Variants in ZNF362 observed in about 807,000 individuals in gnomAD.
The protein encoded by ZNF362 is rotund homolog.
ZNF362 carries 11 observed loss-of-function variants against 42.9 expected under a neutral mutation model. The ratio of observed to expected loss-of-function variants is 0.26; its 90% CI spans 0.16 to 0.42. The LOEUF (loss-of-function observed/expected upper bound fraction) is 0.42, where lower values mean the gene tolerates loss of function less well. Ranked by LOEUF, ZNF362 falls within the 20% of genes least tolerant of loss-of-function variation. The probability of loss-of-function intolerance (pLI) is 1.00; values close to 1 mark genes in which losing one functional copy is unlikely to be tolerated. For missense variants in ZNF362, 362 were observed against 576.2 expected, an observed-to-expected ratio of 0.63 and a Z score of 3.81; for synonymous variants, 255 against 257.3, an observed-to-expected ratio of 0.99 and a Z score of 0.09.
At chr1:33,201,357 C>T in the ZNF362 span, among the ~76,000 whole-genome samples, 5 of 152,122 alleles carry the variant, frequency 3.3e-5, no homozygotes, top group South Asian at 2.1e-4. Flanking sequence ...TCAGCTAACA[C>T]GGAACATTTA....
chr1:33,269,859 GA>G (rs144492925), intron 1 of ZNF362, among the ~76,000 whole-genome samples: 5,366 of 152,218 alleles, frequency 0.035, 228 homozygotes, highest in African/African-American at 0.087. Context: ...GTCTAGGTCT[GA>G]AAGTCTCCAG....
rs758463385 is a variant in ZNF362, at chr1:33,295,322, C to T, written c.1146+17C>T. On this transcript the variant is annotated intron_variant, in intron 8 of 8. Coordinates refer to ENST00000539719, the MANE Select transcript of ZNF362 (RefSeq NM_152493.3). ...TACACCTCGGTGAGTGCCGGTCGGC[C>T]TGTGCCCTGCCCCGGGGGAGCCACT... is the stretch of plus-strand genomic sequence containing the variant. The T allele has an allele frequency of 6.2e-7, 1 of 1,611,498 alleles. No individual in the cohort carries two copies. The highest frequency in any genetic ancestry group is 1.7e-5 in the Admixed American group (1 of 59,804).
At chr1:33,175,651 C>T in the ZNF362 span, among the ~76,000 whole-genome samples, 1 of 152,182 alleles carries the variant, frequency 6.6e-6, no homozygotes, top group South Asian at 2.1e-4. Flanking sequence ...AATCTCAGCT[C>T]TTCCTCCTAC....
the ZNF362 span, chr1:33,165,756 G>C: frequency 9.4e-6 from 4 of 427,078 alleles, no homozygotes; most frequent in Non-Finnish European, 1.7e-5. The surrounding 1 kb of genome is among the most constrained non-coding windows in gnomAD (Gnocchi z 4.0). Context: ...GAACCCGTCC[G>C]TATCTTTCAC....
intron 2 of ZNF362, among the ~76,000 whole-genome samples, chr1:33,271,791 G>A (rs999757973): frequency 6.0e-5 from 9 of 151,028 alleles, no homozygotes; most frequent in Admixed American, 1.3e-4. Context: ...GCAGATGTGC[G>A]GTAGATCACT....
At chr1:33,161,400 G>A in the ZNF362 span, among the ~76,000 whole-genome samples, 1 of 152,154 alleles carries the variant, frequency 6.6e-6, no homozygotes, top group Non-Finnish European at 1.5e-5. This position sits in a 1 kb window ranked among gnomAD's most constrained non-coding sequence, Gnocchi z 4.3. Flanking sequence ...TTACTTTGTG[G>A]GATTCTGGCT....
At chr1:33,160,803 C>T in the ZNF362 span, among the ~76,000 whole-genome samples, 10 of 152,312 alleles carry the variant, frequency 6.6e-5, no homozygotes, top group African/African-American at 1.9e-4. Flanking sequence ...TAAATTGCAA[C>T]GTATTGAGAA....
the ZNF362 span, among the ~76,000 whole-genome samples, chr1:33,201,522 T>TA: frequency 6.6e-6 from 1 of 152,150 alleles, no homozygotes; most frequent in South Asian, 2.1e-4. Context: ...AGAAACTGAA[T>TA]AACATACTTC....
At chr1:33,233,467 A>G in the ZNF362 span, among the ~76,000 whole-genome samples, 1 of 150,994 alleles carries the variant, frequency 6.6e-6, no homozygotes, top group African/African-American at 2.4e-5. Flanking sequence ...GTAGTGGTGC[A>G]ATCTCGGCTC....
At chr1:33,252,941 C>T (rs540740966), upstream of ZNF362, among the ~76,000 whole-genome samples, 1 of 152,114 alleles carries the variant, frequency 6.6e-6, no homozygotes, top group East Asian at 1.9e-4. Flanking sequence ...TCCATCCATT[C>T]AGCAAACATT....
chr1:33,169,200 GCGA>G, the ZNF362 span, among the ~76,000 whole-genome samples: 2 of 152,098 alleles, frequency 1.3e-5, no homozygotes, highest in East Asian at 3.9e-4. Context: ...GGGGAATGCT[GCGA>G]TCGTGTTAGG....
chr1:33,217,978 C>T, the ZNF362 span, among the ~76,000 whole-genome samples: 126 of 152,240 alleles, frequency 8.3e-4, no homozygotes, highest in Non-Finnish European at 1.5e-3. Flanking sequence ...AATGTATAAA[C>T]GTGATCAGCA....
At chr1:33,295,734 G>C (rs769514182) in intron 8 of ZNF362, among the ~76,000 whole-genome samples, 3 of 152,218 alleles carry the variant, frequency 2.0e-5, no homozygotes, top group South Asian at 4.1e-4. Flanking sequence ...GGAAAGCTCA[G>C]AGCATTCAGC....
intron 6 of ZNF362, among the ~76,000 whole-genome samples, chr1:33,283,605 G>T (rs1007713940): frequency 1.3e-5 from 2 of 152,162 alleles, no homozygotes; most frequent in Non-Finnish European, 2.9e-5. Context: ...GGAGGCTGAG[G>T]TGGGAGGATC....
the ZNF362 span, among the ~76,000 whole-genome samples, chr1:33,213,821 G>A: frequency 6.6e-6 from 1 of 152,010 alleles, no homozygotes; most frequent in Non-Finnish European, 1.5e-5. Flanking sequence ...CTCCAGCCTG[G>A]CAACAGACAG....
intron 1 of ZNF362, among the ~76,000 whole-genome samples, chr1:33,264,571 G>T (rs1570383684): frequency 6.6e-6 from 1 of 152,188 alleles, no homozygotes; most frequent in East Asian, 1.9e-4. Flanking sequence ...AATCCCAAAG[G>T]CCTGAGCTGG....
chr1:33,280,430 A>G lies in ZNF362; in HGVS notation c.656A>G (p.Glu219Gly). 6.2e-7 allele frequency: 1 copy of G among 1,607,054 alleles called. No homozygotes were observed. Among genetic ancestry groups the G allele is most frequent in the Non-Finnish European group, 8.5e-7 (1 of 1,176,414 alleles). The change falls in exon 5 of 9, where the codon GAG becomes GGG. Residue 219 changes from glutamate to glycine, a missense_variant. By Grantham distance (98) the Glu-to-Gly change is moderately conservative. This residue lies in a region of ZNF362 where 266 missense variants were observed against 365.4 expected (regional missense o/e 0.73). Transcript: ENST00000539719. The surrounding 1 kb of genome is among the most constrained non-coding windows in gnomAD (Gnocchi z 5.6). ...CCCTATCCCATCCTGGCCTCGGGCG[A>G]GACTGCCAAGGAGGGCAAGACGTAC... Reference protein sequence around the residue: ...VVPYPILASGETAKEGKTYRC... With the variant: ...VVPYPILASGGTAKEGKTYRC...
chr1:33,295,038 C>T (rs777667018), intron 7 of ZNF362, 23 bp downstream of exon 7: 14 of 1,613,726 alleles, frequency 8.7e-6, no homozygotes, highest in Admixed American at 3.3e-5. Flanking sequence ...CTGCCTCCTG[C>T]CCACCAGGTG....
At chr1:33,216,900 G>A in the ZNF362 span, among the ~76,000 whole-genome samples, 6 of 151,782 alleles carry the variant, frequency 4.0e-5, no homozygotes, top group Admixed American at 2.0e-4. Flanking sequence ...TTGAATAAGG[G>A]CGGTGGGGAA....
Sources: gnomAD v4.1 joint callset for allele counts (sites outside exome capture counted in the v4.1 genomes callset) on GRCh38, gnomAD v4.1.1 for gene constraint, gnomAD v4.1.1 regional missense constraint, Gnocchi (gnomAD v3.1) non-coding constraint, MANE v1.5 for transcripts, NCBI Gene and HGNC (gene_info 2026-07-23, HGNC 2026-07-21) for gene names.